Variants in SMYD1 observed in about 807,000 individuals in gnomAD.
The protein encoded by SMYD1 is histone-lysine N-methyltransferase SMYD1.
A neutral mutation model predicts 54.0 loss-of-function variants in SMYD1; 49 were observed. The observed-to-expected ratio is 0.91, with a 90% confidence interval of 0.72 to 1.15. The LOEUF is 1.15. Ranked by LOEUF, SMYD1 falls within the 50% of genes most tolerant of loss-of-function variation. SMYD1 has a pLI of 0.00. For missense variants in SMYD1, 653 were observed against 639.6 expected (o/e 1.02, Z -0.23); for synonymous variants, 269 against 234.2 (o/e 1.15, Z -1.36).
rs1315677261 is a variant in SMYD1 at position 88,070,788 on chromosome 2, C to T, written c.137+2787C>T. ...GTGAAACTCTGTCTCTACAAAAATA[C>T]GAAAATTAGCCAGGCATGATGGCAG... On this transcript the variant is annotated intron_variant, in intron 1 of 9. Transcript: ENST00000419482. Among the ~76,000 whole-genome samples the T allele has an allele frequency of 5.3e-5, 8 of 151,672 alleles. No individual in the cohort carries two copies. The East Asian group carries it at 5.8e-4, about 11-fold the overall frequency.
chr2:88,092,569 C>T (rs530719744), intron 4 of SMYD1, among the ~76,000 whole-genome samples: 20 of 152,334 alleles, frequency 1.3e-4, no homozygotes, highest in Admixed American at 1.2e-3. Flanking sequence ...CCTGATTTCT[C>T]TTTTCCTTCC....
At chr2:88,076,950 TGCAATAA>T (rs1160414150) in intron 1 of SMYD1, among the ~76,000 whole-genome samples, 1 of 149,146 alleles carries the variant, frequency 6.7e-6, no homozygotes, top group African/African-American at 2.5e-5. Flanking sequence ...AGTTTGAGGC[TGCAATAA>T]GCAGTGATTA....
At position 88,072,141 on chromosome 2, in the gene SMYD1, A is replaced by G. The variant is rs184679369; in HGVS notation, c.137+4140A>G. ...GTGGGGGTCCTGGAAGAAATACTAC[A>G]TTATTATTGTTATTATTTTTATTTT... On this transcript the variant is annotated intron_variant, in intron 1 of 9. Transcript: ENST00000419482. Among the ~76,000 whole-genome samples, 3 of 152,122 alleles carry G rather than the reference A, an allele frequency of 2.0e-5. No homozygotes were observed. In the East Asian group the frequency reaches 5.8e-4, roughly 29 times the overall value.
intron 1 of SMYD1, among the ~76,000 whole-genome samples, chr2:88,074,756 T>C (rs1444488390): frequency 6.6e-6 from 1 of 152,186 alleles, no homozygotes; most frequent in Non-Finnish European, 1.5e-5. Context: ...AGTGTGTATA[T>C]AGGGAAAAAG....
intron 1 of SMYD1, among the ~76,000 whole-genome samples, chr2:88,077,915 G>C (rs1674106400): frequency 6.6e-6 from 1 of 152,034 alleles, no homozygotes; most frequent in Non-Finnish European, 1.5e-5. Context: ...AGTAGAGACG[G>C]GGTTTCACTA....
rs1471867789 is a variant in SMYD1, at chr2:88,093,545, A to G, written c.688A>G (p.Thr230Ala). 1.9e-6 allele frequency: 3 copies of G among 1,614,134 alleles called. No homozygotes were observed. Among genetic ancestry groups the G allele is most frequent in the African/African-American group, 1.3e-5 (1 of 75,016 alleles). ...NHEAVKSMFH[T>A]QMRIELRALG... Reference sequence around the variant, plus strand: ...TGAGGCAGTGAAATCCATGTTTCATACCCAGATGAGGTGGGTCAGTCCTTT... The same window carrying G: ...TGAGGCAGTGAAATCCATGTTTCATGCCCAGATGAGGTGGGTCAGTCCTTT... The change falls in exon 5 of 10, where the codon ACC becomes GCC. Residue 230 changes from threonine (T) to alanine (A), a missense_variant. By Grantham distance (58) the Thr-to-Ala change is moderately conservative (BLOSUM62 0). Coordinates refer to ENST00000419482, the MANE Select transcript of SMYD1 (RefSeq NM_198274.4).
chr2:88,088,936 G>A (rs1191502334), intron 3 of SMYD1, among the ~76,000 whole-genome samples: 1 of 152,186 alleles, frequency 6.6e-6, no homozygotes, highest in East Asian at 1.9e-4. Flanking sequence ...CATCTGGTAG[G>A]CCAGGACCTT....
chr2:88,068,111 T>C (rs1673871317), intron 1 of SMYD1, 110 bp downstream of exon 1: 4 of 1,421,524 alleles, frequency 2.8e-6, no homozygotes, highest in Non-Finnish European at 2.8e-6. Context: ...TCATGTGCTC[T>C]TTTTTCAACA....
rs1317739009 is a variant in SMYD1, at chr2:88,110,562, C to T, written c.*50C>T. ...ATGTGGCTGGGGAGCTAGGGAGAGA[C>T]TCTGGAGGTGGTGGGTCTCTCGGGA... On this transcript the variant is annotated 3_prime_UTR_variant, in exon 10 of 10. Coordinates refer to ENST00000419482, the MANE Select transcript of SMYD1 (RefSeq NM_198274.4). 1 of 1,496,056 alleles carries T rather than the reference C, an allele frequency of 6.7e-7. No individual in the cohort carries two copies. The highest frequency in any genetic ancestry group is 1.3e-5 in the South Asian group (1 of 75,834). The allele number at this position is 1,496,056 out of a possible 1,614,324, so 92.7% of individuals were successfully genotyped here.
intron 1 of SMYD1, among the ~76,000 whole-genome samples, chr2:88,076,492 G>A (rs898444739): frequency 1.3e-5 from 2 of 152,096 alleles, no homozygotes; most frequent in African/African-American, 4.8e-5. Flanking sequence ...CAAAGTGCTG[G>A]GATTACAGAC....
intron 8 of SMYD1, among the ~76,000 whole-genome samples, chr2:88,107,552 A>ATACAAG (rs1297165871): frequency 1.3e-5 from 2 of 152,194 alleles, no homozygotes; most frequent in Non-Finnish European, 2.9e-5. Flanking sequence ...TGGAGTCTAC[A>ATACAAG]GAGGCAGGGA....
intron 7 of SMYD1, among the ~76,000 whole-genome samples, chr2:88,105,627 ATTCT>A (rs1489508681): frequency 5.3e-5 from 8 of 151,980 alleles, no homozygotes; most frequent in Middle Eastern, 3.4e-3. Flanking sequence ...CTGTTGTATG[ATTCT>A]TTCTTTCTTT....
intron 1 of SMYD1, among the ~76,000 whole-genome samples, chr2:88,073,711 A>G (rs1204859163): frequency 6.6e-6 from 1 of 152,232 alleles, no homozygotes; most frequent in Non-Finnish European, 1.5e-5. Flanking sequence ...CTAGCAGCAC[A>G]GGGGTTGTCT....
intron 8 of SMYD1, among the ~76,000 whole-genome samples, chr2:88,107,550 A>G (rs1440899942): frequency 1.3e-5 from 2 of 152,300 alleles, no homozygotes; most frequent in East Asian, 3.9e-4. Flanking sequence ...TATGGAGTCT[A>G]CAGAGGCAGG....
chr2:88,090,448 C>T (rs1674436643), intron 3 of SMYD1, among the ~76,000 whole-genome samples: 1 of 152,204 alleles, frequency 6.6e-6, no homozygotes, highest in South Asian at 2.1e-4. Flanking sequence ...TAGTAACCAA[C>T]TTGATTTGCC....
At chr2:88,085,222 G>A (rs1674296099) in intron 2 of SMYD1, among the ~76,000 whole-genome samples, 3 of 152,100 alleles carry the variant, frequency 2.0e-5, no homozygotes, top group Non-Finnish European at 2.9e-5. Flanking sequence ...AATACAGAGC[G>A]TTCTAAGTCA....
rs1675011915 is a variant in SMYD1, at chr2:88,111,107, G to A, written c.*595G>A. On this transcript the variant is annotated 3_prime_UTR_variant, in exon 10 of 10. Coordinates refer to ENST00000419482, the MANE Select transcript of SMYD1 (RefSeq NM_198274.4). ...AGTTTTGAAGAAGGGGCTGTGTTTG[G>A]GCCACGTAGGCTCTACTCAGAGACC... 1 of 152,332 alleles carries A rather than the reference G, an allele frequency of 6.6e-6. No individual in the cohort carries two copies. Among genetic ancestry groups the A allele is most frequent in the Admixed American group, 6.5e-5 (1 of 15,286 alleles). The allele number at this position is 152,332 out of a possible 1,614,324, so 9.4% of individuals were successfully genotyped here. A position where few individuals can be genotyped will look rare whatever the true frequency, so the allele number is the denominator to read the frequency against.
intron 2 of SMYD1, 73 bp downstream of exon 2, chr2:88,084,565 C>G (rs920578): frequency 1.2e-5 from 17 of 1,430,628 alleles, no homozygotes; most frequent in Non-Finnish European, 1.4e-5. Context: ...TAACAACATT[C>G]CCAGATCTAA....
intron 4 of SMYD1, among the ~76,000 whole-genome samples, chr2:88,091,610 C>T (rs1186080140): frequency 6.6e-6 from 1 of 152,076 alleles, no homozygotes; most frequent in Non-Finnish European, 1.5e-5. Context: ...TTTGGGAGCC[C>T]GAGGAGGGGG....
Sources: gnomAD v4.1 joint callset for allele counts (sites outside exome capture counted in the v4.1 genomes callset) on GRCh38, gnomAD v4.1.1 for gene constraint, MANE v1.5 for transcripts, NCBI Gene and HGNC (gene_info 2026-07-23, HGNC 2026-07-21) for gene names.